NUP133: variants seen among roughly 807,000 people sequenced by gnomAD.
The protein encoded by NUP133 is nuclear pore complex protein Nup133.
Under a neutral mutation model 146.2 loss-of-function variants are expected in NUP133, and 66 were observed. That is an observed-to-expected ratio of 0.45 (90% CI 0.37 to 0.55). The LOEUF (loss-of-function observed/expected upper bound fraction) is 0.55, where lower values mean the gene tolerates loss of function less well. NUP133 is among the 20% of genes least tolerant of loss of function. The pLI is 0.00. For missense variants in NUP133, 1,277 were observed against 1,374.8 expected, an observed-to-expected ratio of 0.93 and a Z score of 1.12; for synonymous variants, 521 against 498.8, an observed-to-expected ratio of 1.04 and a Z score of -0.59.
chr1:229,470,824 A>G lies in NUP133; in HGVS notation c.1852-20T>C. On this transcript the variant is annotated intron_variant, in intron 14 of 25. Coordinates refer to ENST00000261396, the MANE Select transcript of NUP133 (RefSeq NM_018230.3). ...GCCAACCTTGCAAAAAGGCAAACAC[A>G]TATTCTCAGAAAGCAATTATGGTAA... The G allele has an allele frequency of 1.2e-6, 2 of 1,604,014 alleles. No homozygotes were observed. Among genetic ancestry groups the G allele is most frequent in the Non-Finnish European group, 1.7e-6 (2 of 1,172,074 alleles).
In NUP133 at chr1:229,467,796, G is replaced by C. The variant is rs1375504859; in HGVS notation, c.2077-1040C>G. Among the ~76,000 whole-genome samples, 3 of 151,862 alleles carry C rather than the reference G, an allele frequency of 2.0e-5. No individual in the cohort carries two copies. The South Asian group carries it at 6.2e-4, about 32-fold the overall frequency. On this transcript the variant is annotated intron_variant, in intron 15 of 25. Transcript: ENST00000261396. Reference sequence around the variant, plus strand: ...AAAAATTAGCTGGGCGTCGTGGCGTGCACCTGGAGTCCCGGCTACTTGGGA... The same window carrying C: ...AAAAATTAGCTGGGCGTCGTGGCGTCCACCTGGAGTCCCGGCTACTTGGGA...
At chr1:229,471,586 C>A (rs1009423888) in intron 14 of NUP133, among the ~76,000 whole-genome samples, 1 of 152,174 alleles carries the variant, frequency 6.6e-6, no homozygotes, top group Non-Finnish European at 1.5e-5. Context: ...TTGCTTGGTG[C>A]CCATCTGTCC....
At chr1:229,462,840 T>C (rs747456071) in intron 19 of NUP133, among the ~76,000 whole-genome samples, 1 of 152,102 alleles carries the variant, frequency 6.6e-6, no homozygotes, top group African/African-American at 2.4e-5. Flanking sequence ...CATGAGCCAC[T>C]GAGGCTGGCT....
intron 25 of NUP133, among the ~76,000 whole-genome samples, chr1:229,442,665 A>G (rs1660209304): frequency 1.3e-5 from 2 of 151,206 alleles, no homozygotes; most frequent in African/African-American, 4.9e-5. Context: ...TCAAAATCAG[A>G]TACTGGTTTA....
chr1:229,506,454 T>G (rs1255896368), intron 1 of NUP133, among the ~76,000 whole-genome samples: 2 of 151,568 alleles, frequency 1.3e-5, no homozygotes, highest in East Asian at 1.9e-4. Context: ...CCAGTGTTTT[T>G]TTTTTTTTTT....
At chr1:229,483,959 C>T in intron 12 of NUP133, 95 bp downstream of exon 12, 1 of 779,266 alleles carries the variant, frequency 1.3e-6, no homozygotes, top group South Asian at 1.7e-5. Context: ...TAGCATCATT[C>T]CTCCAACTTG....
chr1:229,486,637 T>G (rs1661357866), intron 10 of NUP133, 109 bp from the exon 11 acceptor site: 1 of 1,066,658 alleles, frequency 9.4e-7, no homozygotes, highest in Admixed American at 3.1e-5. Flanking sequence ...TTAAGCACAT[T>G]TTTTCCTTTA....
Position 229,458,184 on chromosome 1 carries a change from T to C in NUP133, c.2957A>G (p.Asp986Gly). ...LAALASDFSEDMLQEKIEEMA... is the reference protein window; with the variant it reads ...LAALASDFSEGMLQEKIEEMA... Reference sequence around the variant, plus strand: ...ACCTTCAATTTTTTCTTGTAGCATATCCTCTGAAAAGTCTGAAGCTAATGC... The same window carrying C: ...ACCTTCAATTTTTTCTTGTAGCATACCCTCTGAAAAGTCTGAAGCTAATGC... The change falls in exon 21 of 26, where the codon GAT (aspartate) becomes GGT (glycine). Residue 986 changes from aspartate to glycine, a missense_variant. Coordinates refer to ENST00000261396, the MANE Select transcript of NUP133 (RefSeq NM_018230.3). The C allele has an allele frequency of 1.2e-6, 2 of 1,612,730 alleles. No homozygotes were observed. Among genetic ancestry groups the C allele is most frequent in the Non-Finnish European group, 1.7e-6 (2 of 1,179,320 alleles).
chr1:229,467,750 C>A (rs1420380678), intron 15 of NUP133, among the ~76,000 whole-genome samples: 2 of 151,860 alleles, frequency 1.3e-5, no homozygotes, highest in Non-Finnish European at 2.9e-5. Context: ...CATGGTGAAA[C>A]CCTGTCTCCA....
chr1:229,444,916 T>G lies in NUP133; in HGVS notation c.3332A>C (p.Asp1111Ala). ...CGGTATAGTAACAAACCACTTACCA[T>G]CTTTTAAAAGTTTCTGTAAGATCTT... ...FVKILQKLLK[D>A]GIQLSEYLPE... The change falls in exon 25 of 26, where the codon GAT (aspartate) becomes GCT (alanine). Residue 1111 changes from aspartate (D) to alanine (A), a missense_variant and splice_region_variant. This residue lies in a region of NUP133 where 952 missense variants were observed against 1,047.0 expected (regional missense o/e 0.91). Coordinates refer to ENST00000261396, the MANE Select transcript of NUP133 (RefSeq NM_018230.3). 6.3e-7 allele frequency: 1 copy of G among 1,593,110 alleles called. No individual in the cohort carries two copies.
At chr1:229,473,446 G>A (rs894094214) in intron 14 of NUP133, among the ~76,000 whole-genome samples, 1 of 152,172 alleles carries the variant, frequency 6.6e-6, no homozygotes, top group Non-Finnish European at 1.5e-5. Context: ...CAGCAGCCGT[G>A]GAACTTCGTG....
rs757121519 is a variant in NUP133, at chr1:229,498,319, A to ATT, written c.649-15_649-14dup. ...TAAAACTTCCTCCCTGTGAAAAAAC[A>ATT]TTATGAGGTTAGTTCAGTTTAGCAT... On this transcript the variant is annotated splice_polypyrimidine_tract_variant and intron_variant, in intron 5 of 25. Coordinates refer to ENST00000261396, the MANE Select transcript of NUP133 (RefSeq NM_018230.3). The ATT allele has an allele frequency of 6.4e-7, 1 of 1,563,326 alleles. No individual in the cohort carries two copies. Among genetic ancestry groups the ATT allele is most frequent in the Non-Finnish European group, 8.6e-7 (1 of 1,160,564 alleles).
intron 6 of NUP133, 57 bp from the exon 7 acceptor site, chr1:229,496,104 C>T: frequency 7.4e-7 from 1 of 1,343,838 alleles, no homozygotes; most frequent in Non-Finnish European, 9.9e-7. Flanking sequence ...TGCTAAGGAA[C>T]TATTGTTTTA....
At chr1:229,476,241 C>T (rs1038478039) in intron 13 of NUP133, among the ~76,000 whole-genome samples, 17 of 152,066 alleles carry the variant, frequency 1.1e-4, no homozygotes, top group African/African-American at 3.6e-4. Flanking sequence ...ACAATTCATA[C>T]TGTATTTATT....
At chr1:229,505,935 C>T in intron 2 of NUP133, 105 bp downstream of exon 2, 2 of 667,392 alleles carry the variant, frequency 3.0e-6, no homozygotes, top group Non-Finnish European at 2.7e-6. Flanking sequence ...CATCTCTCAC[C>T]ATTTACGTAA....
rs181561261 is a variant in NUP133, at chr1:229,469,462, T to G, written c.2076+1118A>C. On this transcript the variant is annotated intron_variant, in intron 15 of 25. Coordinates refer to ENST00000261396, the MANE Select transcript of NUP133 (RefSeq NM_018230.3). ...CTACAAGCAAGGTGTAGCAACAGGA[T>G]CCTAGGAGGTAGCTGAGGAGTTCAG... Among the ~76,000 whole-genome samples the G allele has an allele frequency of 7.4e-4, 112 of 152,188 alleles. 3 individuals carry two copies. The highest frequency in any genetic ancestry group is 2.6e-3 in the African/African-American group (110 of 41,538).
In NUP133 at chr1:229,469,682, AC is replaced by A. The variant is rs568890803; in HGVS notation, c.2076+897del. 5.3e-5 allele frequency among the ~76,000 whole-genome samples: 8 copies of A among 152,358 alleles called. No individual in the cohort carries two copies. The South Asian group carries it at 1.7e-3, about 32-fold the overall frequency. ...GGGGCACAGCCAATGTAAAGTGCGC[AC>A]AGGCAAGGAAGAAAGCTGGCAGAAT... is the stretch of plus-strand genomic sequence containing the variant. On this transcript the variant is annotated intron_variant, in intron 15 of 25. Transcript: ENST00000261396.
At chr1:229,506,883 G>C (rs896503746) in intron 1 of NUP133, among the ~76,000 whole-genome samples, 3 of 149,498 alleles carry the variant, frequency 2.0e-5, no homozygotes, top group Non-Finnish European at 3.0e-5. Flanking sequence ...AACAGGTTAC[G>C]AGCATCAGCT....
At chr1:229,451,286 C>A (rs1660443073) in intron 22 of NUP133, among the ~76,000 whole-genome samples, 2 of 152,074 alleles carry the variant, frequency 1.3e-5, no homozygotes, top group African/African-American at 4.8e-5. Flanking sequence ...GTGGTCCCAG[C>A]TACTCCAGAG....
Sources: gnomAD v4.1 joint callset for allele counts (sites outside exome capture counted in the v4.1 genomes callset) on GRCh38, gnomAD v4.1.1 for gene constraint, gnomAD v4.1.1 regional missense constraint, MANE v1.5 for transcripts, NCBI Gene and HGNC (gene_info 2026-07-23, HGNC 2026-07-21) for gene names.